Variants in FNTA observed in about 807,000 individuals in gnomAD.
FNTA encodes farnesyltransferase, CAAX box, subunit alpha.
A neutral mutation model predicts 55.2 loss-of-function variants in FNTA; 27 were observed. The ratio of observed to expected loss-of-function variants is 0.49; its 90% CI spans 0.36 to 0.67. FNTA has a LOEUF of 0.67. FNTA is among the 30% of genes least tolerant of loss of function. The pLI is 0.00. For synonymous variants in FNTA, 176 were observed against 170.7 expected (o/e 1.03, Z -0.24); for missense variants, 422 against 464.7 (o/e 0.91, Z 0.85).
chr8:43,072,095 T>C, intron 4 of FNTA, 86 bp from the exon 5 acceptor site: 1 of 1,068,508 alleles, frequency 9.4e-7, no homozygotes, highest in South Asian at 2.8e-5. Context: ...GTGTGTCCTT[T>C]CATGTCACCT....
chr8:43,081,274 C>T (rs889237935), intron 6 of FNTA: 2 of 152,156 alleles, frequency 1.3e-5, no homozygotes, highest in Non-Finnish European at 2.9e-5. Context: ...TTTATAAATA[C>T]ACTTGCAAAC....
intron 4 of FNTA, 120 bp from the exon 5 acceptor site, chr8:43,072,061 A>G: frequency 1.5e-6 from 1 of 671,918 alleles, no homozygotes; most frequent in Non-Finnish European, 2.3e-6. Context: ...AGTGTTAAGA[A>G]TTAGAGATGA....
chr8:43,082,853 C>CTGGCCAATATGGTG (rs1184723707), intron 6 of FNTA: 2 of 223,446 alleles, frequency 9.0e-6, no homozygotes, highest in African/African-American at 4.7e-5. Flanking sequence ...CAAGACCAGT[C>CTGGCCAATATGGTG]TGGCCAATAT....
chr8:43,071,349 A>G (rs1810785821), intron 4 of FNTA, among the ~76,000 whole-genome samples: 1 of 152,168 alleles, frequency 6.6e-6, no homozygotes, highest in South Asian at 2.1e-4. Context: ...ATGGAACCCA[A>G]TATAAAATCC....
intron 1 of FNTA, among the ~76,000 whole-genome samples, chr8:43,058,768 T>A (rs1013234090): frequency 6.6e-6 from 1 of 152,096 alleles, no homozygotes; most frequent in Admixed American, 6.6e-5. Flanking sequence ...CAGAGTGAGA[T>A]TCCGTCTCAA....
intron 2 of FNTA, among the ~76,000 whole-genome samples, chr8:43,063,468 T>A (rs1353181492): frequency 1.3e-5 from 2 of 152,188 alleles, no homozygotes; most frequent in Admixed American, 1.3e-4. Flanking sequence ...TAAATTTTAA[T>A]GATTTGTTGT....
chr8:43,066,587 C>CGTGTGTGT (rs34748037), intron 3 of FNTA, among the ~76,000 whole-genome samples: 22,024 of 148,416 alleles, frequency 0.15, 1,723 homozygotes, highest in East Asian at 0.23. Context: ...TAGCATCGTT[C>CGTGTGTGT]GTGTGTGTGT....
Position 43,056,425 on chromosome 8 carries a change from C to T in FNTA, c.79C>T (p.His27Tyr), listed in dbSNP as rs764877309. Residue 27 changes from histidine to tyrosine, a missense_variant, in exon 1 of 9, where the codon CAC becomes TAC. Around this residue, in one of 2 missense-constraint regions of FNTA, gnomAD observed 160 missense variants for 121.6 expected, o/e 1.32. Coordinates refer to ENST00000302279, the MANE Select transcript of FNTA (RefSeq NM_002027.3). ...GCCGGCGCAACCCCCGCCCCAGCCG[C>T]ACCCACCGCCGCCCCAGCAGCAGCA... ...GQPAQPPPQP[H>Y]PPPPQQQHKE... 1 of 1,531,570 alleles carries T rather than the reference C, an allele frequency of 6.5e-7. No individual in the cohort carries two copies. Among genetic ancestry groups the T allele is most frequent in the South Asian group, 1.2e-5 (1 of 81,584 alleles). 94.9% of individuals were successfully genotyped at this position (1,531,570 alleles called of 1,614,324 possible). A position where few individuals can be genotyped will look rare whatever the true frequency, so the allele number is the denominator to read the frequency against.
At chr8:43,073,644 T>C (rs1171120923) in intron 5 of FNTA, 1 of 152,136 alleles carries the variant, frequency 6.6e-6, no homozygotes, top group African/African-American at 2.4e-5. Context: ...AGAACAGGTT[T>C]TCTCTGCTTA....
Position 43,059,142 on chromosome 8 carries a change from C to G in FNTA, c.251C>G (p.Pro84Arg), listed in dbSNP as rs1810477183. 2.5e-6 allele frequency: 4 copies of G among 1,613,336 alleles called. No homozygotes were observed. Among genetic ancestry groups the G allele is most frequent in the African/African-American group, 2.7e-5 (2 of 74,866 alleles). Reference protein sequence around the residue: ...DIDPVPQNDGPNPVVQIIYSD... With the variant: ...DIDPVPQNDGRNPVVQIIYSD... ...GATCCGGTGCCGCAGAATGATGGCC[C>G]CAATCCCGTGGTCCAGATCATTTAT... is the stretch of plus-strand genomic sequence containing the variant. The change falls in exon 2 of 9, where the codon CCC becomes CGC. Residue 84 changes from proline (P) to arginine (R), a missense_variant. Coordinates refer to ENST00000302279, the MANE Select transcript of FNTA (RefSeq NM_002027.3).
At chr8:43,080,806 C>G (rs899400468) in intron 6 of FNTA, 1 of 152,190 alleles carries the variant, frequency 6.6e-6, no homozygotes, top group African/African-American at 2.4e-5. Context: ...CATTATTCGT[C>G]TAAAGATTGA....
intron 6 of FNTA, 52 bp downstream of exon 6, chr8:43,077,416 A>G (rs779996034): frequency 2.9e-5 from 42 of 1,466,294 alleles, no homozygotes; most frequent in East Asian, 2.8e-4. Flanking sequence ...TTGCATGCCT[A>G]CCATATCTCA....
intron 5 of FNTA, among the ~76,000 whole-genome samples, chr8:43,076,231 A>G (rs1412100220): frequency 2.0e-5 from 3 of 151,696 alleles, no homozygotes; most frequent in African/African-American, 7.3e-5. Context: ...TTTAGTAGAG[A>G]TGGGGTTTAG....
At position 43,069,671 on chromosome 8, in the gene FNTA, G is replaced by C. The variant is rs1290422049; in HGVS notation, c.506+12G>C. ...AACTATCAAGTTTGGTAAGTTTGGA[G>C]TCTAGCTGTGTCTCCCAGGCTGGAG... On this transcript the variant is annotated intron_variant, in intron 4 of 8. Coordinates refer to ENST00000302279, the MANE Select transcript of FNTA (RefSeq NM_002027.3). 1 of 1,526,038 alleles carries C rather than the reference G, an allele frequency of 6.6e-7. No individual in the cohort carries two copies. The highest frequency in any genetic ancestry group is 9.1e-7 in the Non-Finnish European group (1 of 1,101,820). 94.5% of individuals were successfully genotyped at this position (1,526,038 alleles called of 1,614,324 possible). A position where few individuals can be genotyped will look rare whatever the true frequency, so the allele number is the denominator to read the frequency against.
chr8:43,071,167 G>C (rs1318706851), intron 4 of FNTA, among the ~76,000 whole-genome samples: 2 of 151,846 alleles, frequency 1.3e-5, no homozygotes, highest in South Asian at 2.1e-4. Flanking sequence ...ATTTTTTAAG[G>C]GTCCGTTTTA....
chr8:43,082,290 TTAC>T (rs1345698716), intron 6 of FNTA: 1 of 152,254 alleles, frequency 6.6e-6, no homozygotes, highest in African/African-American at 2.4e-5. Context: ...ACATCACAGT[TTAC>T]TAGTCATCTT....
Position 43,072,286 on chromosome 8 carries a change from G to A in FNTA, c.612G>A (p.Gln204=), listed in dbSNP as rs374653329. ...ATGCAAAGAATTATCATGCCTGGCA[G>A]CATCGACAATGGGTTATTCAGGTAT... ...NQDAKNYHAW[Q]HRQWVIQEFK... is the part of the protein sequence containing the mutation. The change falls in exon 5 of 9, where the codon CAG becomes CAA. Residue 204 remains glutamine, a synonymous_variant. Transcript: ENST00000302279. 2.5e-6 allele frequency: 4 copies of A among 1,586,946 alleles called. No individual in the cohort carries two copies. The highest frequency in any genetic ancestry group is 2.6e-6 in the Non-Finnish European group (3 of 1,166,762).
chr8:43,082,888 A>G (rs1019719391), intron 6 of FNTA: 3 of 287,084 alleles, frequency 1.0e-5, no homozygotes, highest in African/African-American at 6.9e-5. Flanking sequence ...TCTACTAAAA[A>G]TACAAAAATT....
At chr8:43,063,702 A>G (rs537316752) in intron 2 of FNTA, among the ~76,000 whole-genome samples, 2 of 152,274 alleles carry the variant, frequency 1.3e-5, no homozygotes, top group South Asian at 4.1e-4. Flanking sequence ...TCTAGTGTGA[A>G]CCTTTTTGTA....
Sources: allele counts gnomAD v4.1 joint callset (sites outside exome capture counted in the v4.1 genomes callset), GRCh38; gene constraint gnomAD v4.1.1; regional missense constraint gnomAD v4.1.1; transcripts MANE v1.5; gene names NCBI Gene and HGNC (gene_info 2026-07-23, HGNC 2026-07-21).